The following FHOD3 variants were observed in gnomAD, a reference collection of about 807,000 sequenced individuals.
FHOD3 encodes the protein FH1/FH2 domain-containing protein 3.
In FHOD3, 90 loss-of-function variants were observed where a neutral mutation model predicts 173.0. The observed-to-expected ratio is 0.52, with a 90% CI of 0.44 to 0.62. The LOEUF is 0.62. Ranked by LOEUF, FHOD3 falls within the 20% of genes least tolerant of loss-of-function variation. The pLI, the probability that FHOD3 is intolerant of heterozygous loss-of-function variation, is 0.00. For missense variants in FHOD3, 1,945 were observed against 2,034.7 expected (o/e 0.96, Z 0.85); for synonymous variants, 828 against 823.0 (o/e 1.01, Z -0.10).
At chr18:36,737,759 C>T (rs940231026) in intron 20 of FHOD3, among the ~76,000 whole-genome samples, 1 of 152,234 alleles carries the variant, frequency 6.6e-6, no homozygotes, top group African/African-American at 2.4e-5. Flanking sequence ...CCAGATACGT[C>T]CTGATGCACA....
At chr18:36,728,470 G>T (rs1421008493) in intron 19 of FHOD3, among the ~76,000 whole-genome samples, 2 of 152,154 alleles carry the variant, frequency 1.3e-5, no homozygotes, top group Non-Finnish European at 2.9e-5. Context: ...GAGTGGGGAG[G>T]CATGTATGCC....
intron 18 of FHOD3, 26 bp downstream of exon 18, chr18:36,709,417 G>A (rs370041909): frequency 1.6e-5 from 26 of 1,596,498 alleles, no homozygotes; most frequent in African/African-American, 6.7e-5. Context: ...TGTTTCAGTC[G>A]GCATGTGCCA....
intron 3 of FHOD3, among the ~76,000 whole-genome samples, chr18:36,494,363 A>G (rs1485431205): frequency 6.6e-6 from 1 of 152,238 alleles, no homozygotes; most frequent in Non-Finnish European, 1.5e-5. Context: ...TTAAAAGGCA[A>G]GAAACATGGC....
intron 3 of FHOD3, among the ~76,000 whole-genome samples, chr18:36,387,822 C>A (rs1275781684): frequency 6.6e-6 from 1 of 152,070 alleles, no homozygotes; most frequent in Non-Finnish European, 1.5e-5. Context: ...GCTGTCATTG[C>A]CCCTTGCTTT....
At chr18:36,612,826 ACAG>A (rs2032827617) in intron 9 of FHOD3, among the ~76,000 whole-genome samples, 1 of 152,228 alleles carries the variant, frequency 6.6e-6, no homozygotes, top group Non-Finnish European at 1.5e-5. Context: ...TCTTACCAAA[ACAG>A]CAGAAACAGT....
intron 3 of FHOD3, among the ~76,000 whole-genome samples, chr18:36,395,583 T>G (rs1391919403): frequency 6.6e-6 from 1 of 152,194 alleles, no homozygotes; most frequent in Non-Finnish European, 1.5e-5. Context: ...CTTTTATTTA[T>G]TCCCCTCTTT....
intron 11 of FHOD3, among the ~76,000 whole-genome samples, chr18:36,649,733 T>C (rs535077838): frequency 2.0e-5 from 3 of 152,318 alleles, no homozygotes; most frequent in African/African-American, 7.2e-5. Context: ...TCATCTCCCC[T>C]AAGAAGATTC....
intron 7 of FHOD3, among the ~76,000 whole-genome samples, chr18:36,597,334 TG>T (rs1281450344): frequency 6.6e-6 from 1 of 152,154 alleles, no homozygotes; most frequent in Non-Finnish European, 1.5e-5. Flanking sequence ...GATAAAACAA[TG>T]GCCATCTTTT....
chr18:36,755,093 T>C (rs749655777), intron 24 of FHOD3, 26 bp from the exon 25 acceptor site: 9 of 1,483,664 alleles, frequency 6.1e-6, no homozygotes, highest in Admixed American at 4.3e-5. Context: ...ACGGAAGTCA[T>C]TGCTATTACT....
At chr18:36,623,761 G>T (rs1392872999) in intron 9 of FHOD3, among the ~76,000 whole-genome samples, 1 of 152,212 alleles carries the variant, frequency 6.6e-6, no homozygotes, top group African/African-American at 2.4e-5. Context: ...AGATGGAAGA[G>T]ATTTTGTGAA....
At chr18:36,553,458 T>C (rs1194294861) in intron 5 of FHOD3, among the ~76,000 whole-genome samples, 1 of 152,224 alleles carries the variant, frequency 6.6e-6, no homozygotes, top group East Asian at 1.9e-4. Flanking sequence ...ATGGGCTTTT[T>C]TTTGTTGGTA....
chr18:36,309,462 G>C (rs1026076456), intron 1 of FHOD3, among the ~76,000 whole-genome samples: 1 of 152,218 alleles, frequency 6.6e-6, no homozygotes, highest in Non-Finnish European at 1.5e-5. Context: ...GAGGCTCTGC[G>C]TAGGAGATTT....
intron 22 of FHOD3, 52 bp downstream of exon 22, chr18:36,742,908 TG>T: frequency 6.3e-7 from 1 of 1,578,322 alleles, no homozygotes; most frequent in Non-Finnish European, 8.6e-7. Context: ...ACAAAATCCC[TG>T]CCCAGCAATT....
chr18:36,655,492 A>T (rs377463381), intron 13 of FHOD3, among the ~76,000 whole-genome samples: 1 of 152,228 alleles, frequency 6.6e-6, no homozygotes, highest in South Asian at 2.1e-4. Context: ...TGTGGGGGAA[A>T]AAAAAAGCTG....
intron 3 of FHOD3, among the ~76,000 whole-genome samples, chr18:36,486,145 C>T (rs2054180543): frequency 6.6e-6 from 1 of 152,184 alleles, no homozygotes; most frequent in Admixed American, 6.5e-5. Flanking sequence ...TTCCCATTGG[C>T]CACTAAATGG....
chr18:36,655,057 T>C (rs866493738), intron 13 of FHOD3, among the ~76,000 whole-genome samples: 7 of 140,220 alleles, frequency 5.0e-5, no homozygotes, highest in South Asian at 4.3e-4. Flanking sequence ...TTCCTTCTTT[T>C]TTTTTTTTTT....
chr18:36,498,059 A>G (rs11081951), intron 3 of FHOD3, among the ~76,000 whole-genome samples: 7,990 of 152,262 alleles, frequency 0.052, 437 homozygotes, highest in East Asian at 0.28. Flanking sequence ...AAATCTCTAA[A>G]TATTTGGAAA....
At chr18:36,464,709 A>G (rs2052798387) in intron 3 of FHOD3, among the ~76,000 whole-genome samples, 1 of 152,072 alleles carries the variant, frequency 6.6e-6, no homozygotes, top group Non-Finnish European at 1.5e-5. Flanking sequence ...CTGGGTCCTT[A>G]GGAGGGAAGG....
chr18:36,650,162 G>A (rs1024756154), intron 11 of FHOD3, among the ~76,000 whole-genome samples: 6 of 151,456 alleles, frequency 4.0e-5, no homozygotes, highest in Non-Finnish European at 8.8e-5. Context: ...AAAATTGAAT[G>A]GTTTTCTTCA....
Sources: gnomAD v4.1 joint callset for allele counts (sites outside exome capture counted in the v4.1 genomes callset) on GRCh38, gnomAD v4.1.1 for gene constraint, MANE v1.5 for transcripts, NCBI Gene and HGNC (gene_info 2026-07-23, HGNC 2026-07-21) for gene names.